P3H2: variants seen among roughly 807,000 people sequenced by gnomAD.
P3H2 encodes prolyl 3-hydroxylase 2, also known as leprecan-like 1.
Under a neutral mutation model 87.0 loss-of-function variants are expected in P3H2, and 80 were observed. That is an observed-to-expected ratio of 0.92 (90% CI 0.77 to 1.11). The LOEUF (loss-of-function observed/expected upper bound fraction) is 1.11, where lower values mean the gene tolerates loss of function less well. Among genes scored for constraint, P3H2 ranks in the 50% least tolerant of loss-of-function variants. The probability of loss-of-function intolerance (pLI) is 0.00; values close to 1 mark genes in which losing one functional copy is unlikely to be tolerated. For synonymous variants in P3H2, 367 were observed against 359.3 expected, an observed-to-expected ratio of 1.02 and a Z score of -0.24; for missense variants, 1,001 against 923.9, an observed-to-expected ratio of 1.08 and a Z score of -1.08.
Position 189,957,923 on chromosome 3 carries a change from C to T in P3H2, c.2116G>A (p.Asp706Asn), listed in dbSNP as rs1365819050. The change falls in exon 15 of 15, where the codon GAT becomes AAT. Residue 706 changes from aspartate (D) to asparagine (N), a missense_variant. Physicochemically the swap from Asp to Asn is conservative, Grantham distance 23. Coordinates refer to ENST00000319332, the MANE Select transcript of P3H2 (RefSeq NM_018192.4). ...ATTCTTTCTCATTTTTATAGCTCAT[C>T]TTTAGGGTTGATATTCAGTTCATGC... ...GKHELNINPK[D>N]EL The T allele has an allele frequency of 6.2e-7, 1 of 1,602,666 alleles. No individual in the cohort carries two copies. The highest frequency in any genetic ancestry group is 2.2e-5 in the East Asian group (1 of 44,816).
At chr3:190,100,730 T>C (rs975926450) in intron 1 of P3H2, among the ~76,000 whole-genome samples, 4 of 152,184 alleles carry the variant, frequency 2.6e-5, no homozygotes, top group African/African-American at 9.6e-5. Flanking sequence ...GTTGGTATCA[T>C]CATGAAAGGT....
chr3:190,086,324 C>A (rs1216789859), intron 1 of P3H2, among the ~76,000 whole-genome samples: 2 of 152,114 alleles, frequency 1.3e-5, no homozygotes, highest in Non-Finnish European at 2.9e-5. Context: ...CAGAGTGAAA[C>A]CTCTGTAGAA....
intron 1 of P3H2, among the ~76,000 whole-genome samples, chr3:190,083,301 C>T (rs1727111298): frequency 6.6e-6 from 1 of 152,122 alleles, no homozygotes; most frequent in Non-Finnish European, 1.5e-5. Context: ...ACACCACAGC[C>T]ATCAGAAGTG....
At position 190,007,965 on chromosome 3, in the gene P3H2, C is replaced by CACACACACACACACAT; in HGVS notation, c.481-12524_481-12523insATGTGTGTGTGTGTGT. On this transcript the variant is annotated intron_variant, in intron 1 of 14. Transcript: ENST00000319332. ...GCCTGAGACTCTATTTGTTGACACA[C>CACACACACACACACAT]ATATATATATATATATATATAGTAA... Among the ~76,000 whole-genome samples the CACACACACACACACAT allele has an allele frequency of 3.1e-4, 29 of 94,302 alleles. 2 individuals are homozygous for CACACACACACACACAT. The highest frequency in any genetic ancestry group is 8.3e-4 in the South Asian group (2 of 2,424). The allele number at this position is 94,302 out of a possible 152,430, so 61.9% of individuals were successfully genotyped here. A position where few individuals can be genotyped will look rare whatever the true frequency, so the allele number is the denominator to read the frequency against.
intron 1 of P3H2, among the ~76,000 whole-genome samples, chr3:190,035,137 C>T (rs1560372090): frequency 6.6e-6 from 1 of 151,964 alleles, no homozygotes; most frequent in Non-Finnish European, 1.5e-5. Flanking sequence ...GTGTAAGCCA[C>T]CGCATCTGCC....
At chr3:190,053,702 C>T (rs11717711) in intron 1 of P3H2, among the ~76,000 whole-genome samples, 24,489 of 152,078 alleles carry the variant, frequency 0.16, 2,438 homozygotes, top group Non-Finnish European at 0.23. Context: ...AGGTGATCCA[C>T]GCGCCTCGGC....
Position 189,995,462 on chromosome 3 carries a change from A to G in P3H2, c.481-20T>C. Reference sequence around the variant, plus strand: ...GTTAAGCTAAAGAGAAAAAAAAATGACCAAAATGAAGGCAAATATTTCCAA... The same window carrying G: ...GTTAAGCTAAAGAGAAAAAAAAATGGCCAAAATGAAGGCAAATATTTCCAA... On this transcript the variant is annotated intron_variant, in intron 1 of 14. Coordinates refer to ENST00000319332, the MANE Select transcript of P3H2 (RefSeq NM_018192.4). 6.2e-7 allele frequency: 1 copy of G among 1,610,596 alleles called. No individual in the cohort carries two copies. Among genetic ancestry groups the G allele is most frequent in the Non-Finnish European group, 8.5e-7 (1 of 1,179,390 alleles).
At chr3:190,026,076 TAGTC>T (rs991710902) in intron 1 of P3H2, among the ~76,000 whole-genome samples, 1 of 152,198 alleles carries the variant, frequency 6.6e-6, no homozygotes, top group Non-Finnish European at 1.5e-5. Context: ...GAGGTTCTGT[TAGTC>T]AGTTTACAAA....
At chr3:190,033,644 C>A (rs957966503) in intron 1 of P3H2, among the ~76,000 whole-genome samples, 1 of 152,128 alleles carries the variant, frequency 6.6e-6, no homozygotes, top group Non-Finnish European at 1.5e-5. Flanking sequence ...AACCATACGG[C>A]CTTCATTCCA....
At chr3:189,995,183 G>A in intron 2 of P3H2, 107 bp downstream of exon 2, 1 of 1,029,296 alleles carries the variant, frequency 9.7e-7, no homozygotes, top group South Asian at 1.6e-5. Context: ...ACTAAAATTT[G>A]AGAATAAACT....
intron 1 of P3H2, among the ~76,000 whole-genome samples, chr3:190,003,538 T>G (rs896627416): frequency 1.0e-4 from 15 of 150,690 alleles, no homozygotes; most frequent in Non-Finnish European, 1.6e-4. Context: ...CAGAAATAAG[T>G]GTGTGCTTTG....
intron 1 of P3H2, among the ~76,000 whole-genome samples, chr3:190,087,265 G>A (rs1050298756): frequency 2.0e-5 from 3 of 152,056 alleles, no homozygotes; most frequent in Admixed American, 6.6e-5. Context: ...GGCCGGGTGC[G>A]GTGGCTCACG....
chr3:190,080,628 C>A (rs1361077463), intron 1 of P3H2, among the ~76,000 whole-genome samples: 7 of 152,014 alleles, frequency 4.6e-5, no homozygotes, highest in African/African-American at 1.7e-4. Context: ...TCTCGAACTC[C>A]CGACCTCAGG....
chr3:189,997,542 C>T (rs1318700340), intron 1 of P3H2, among the ~76,000 whole-genome samples: 1 of 152,138 alleles, frequency 6.6e-6, no homozygotes, highest in East Asian at 1.9e-4. Flanking sequence ...GTGCCCAGTC[C>T]CTGCAGTCTT....
intron 1 of P3H2, among the ~76,000 whole-genome samples, chr3:190,104,370 G>A (rs1711750568): frequency 6.6e-6 from 1 of 152,078 alleles, no homozygotes; most frequent in Non-Finnish European, 1.5e-5. Flanking sequence ...CTCCACTCCA[G>A]TGATGGTATC....
At chr3:189,971,004 G>T in intron 12 of P3H2, 113 bp from the exon 13 acceptor site, 1 of 672,008 alleles carries the variant, frequency 1.5e-6, no homozygotes, top group Non-Finnish European at 2.7e-6. Flanking sequence ...AGTTTCCTTT[G>T]AACTAGACAT....
At chr3:190,017,663 C>T (rs952805296) in intron 1 of P3H2, among the ~76,000 whole-genome samples, 11 of 152,152 alleles carry the variant, frequency 7.2e-5, no homozygotes, top group African/African-American at 2.4e-4. Flanking sequence ...ATGCATGTGC[C>T]GAGTTGCTGA....
intron 1 of P3H2, among the ~76,000 whole-genome samples, chr3:190,016,174 A>C (rs1330363135): frequency 6.6e-6 from 1 of 152,166 alleles, no homozygotes; most frequent in African/African-American, 2.4e-5. Flanking sequence ...ATAAATCCTA[A>C]TTTGTTTTAC....
At chr3:189,975,641 T>G (rs1257316972) in intron 8 of P3H2, among the ~76,000 whole-genome samples, 1 of 152,102 alleles carries the variant, frequency 6.6e-6, no homozygotes, top group Non-Finnish European at 1.5e-5. Flanking sequence ...CCACCCCAGG[T>G]CTAGCAAAGG....
Sources: gnomAD v4.1 joint callset for allele counts (sites outside exome capture counted in the v4.1 genomes callset) on GRCh38, gnomAD v4.1.1 for gene constraint, MANE v1.5 for transcripts, NCBI Gene and HGNC (gene_info 2026-07-23, HGNC 2026-07-21) for gene names.